Variants in ERCC2 observed in about 807,000 individuals in gnomAD.
ERCC2 encodes the protein ERCC excision repair 2, TFIIH core complex helicase subunit.
Under a neutral mutation model 99.4 loss-of-function variants are expected in ERCC2, and 90 were observed. That is an observed-to-expected ratio of 0.91 (90% CI 0.76 to 1.08). The LOEUF (loss-of-function observed/expected upper bound fraction) is 1.08, where lower values mean the gene tolerates loss of function less well. Ranked by LOEUF, ERCC2 falls within the 50% of genes least tolerant of loss-of-function variation. ERCC2 has a pLI of 0.00. For missense variants in ERCC2, 993 were observed against 1,038.1 expected (o/e 0.96, Z 0.60); for synonymous variants, 497 against 432.4 (o/e 1.15, Z -1.85).
intron 5 of ERCC2, 58 bp from the exon 6 acceptor site, chr19:45,365,216 A>T (rs1250471772): frequency 3.0e-6 from 4 of 1,355,832 alleles, no homozygotes; most frequent in Non-Finnish European, 4.2e-6. Context: ...CACTCTTCAA[A>T]CCCTGGTCTC....
chr19:45,359,994 C>T (rs1266611372), intron 12 of ERCC2, among the ~76,000 whole-genome samples: 4 of 151,516 alleles, frequency 2.6e-5, no homozygotes, highest in Admixed American at 2.0e-4. Context: ...AGGCTGGTCT[C>T]GAACTCCTGA....
At chr19:45,364,189 T>G in intron 9 of ERCC2, 46 bp downstream of exon 9, 7 of 1,611,222 alleles carry the variant, frequency 4.3e-6, no homozygotes, top group Non-Finnish European at 5.9e-6. Flanking sequence ...GGGGCCAGGG[T>G]CCCAGGGGCA....
Position 45,351,203 on chromosome 19 carries a change from G to A in ERCC2, c.*426C>T, listed in dbSNP as rs1971750632. ...AGGCGAGGGGGTTGGATAGTTGGCT[G>A]CCAGGCTGGACCTGGAGCTGGAGGG... On this transcript the variant is annotated 3_prime_UTR_variant, in exon 23 of 23. Transcript: ENST00000391945. 1.9e-6 allele frequency: 3 copies of A among 1,586,044 alleles called. No homozygotes were observed. Among genetic ancestry groups the A allele is most frequent in the Non-Finnish European group, 1.7e-6 (2 of 1,165,362 alleles).
chr19:45,370,550 CG>C lies in ERCC2; in HGVS notation c.-11del. 6.3e-7 allele frequency: 1 copy of C among 1,593,478 alleles called. No homozygotes were observed. ...CCCCTTCTCACTTCATGGCGCCGGCCGGACTGTGCAGCGGGGTCGACCCGCC... is the reference window on the plus strand; with the variant it reads ...CCCCTTCTCACTTCATGGCGCCGGCCGACTGTGCAGCGGGGTCGACCCGCC... On this transcript the variant is annotated 5_prime_UTR_variant, in exon 1 of 23. Coordinates refer to ENST00000391945, the MANE Select transcript of ERCC2 (RefSeq NM_000400.4).
At chr19:45,351,774 G>A in intron 22 of ERCC2, 53 bp from the exon 23 acceptor site, 1 of 1,534,896 alleles carries the variant, frequency 6.5e-7, no homozygotes, top group Non-Finnish European at 9.0e-7. Flanking sequence ...AGGGGCCCAG[G>A]CAGCTGCTGC....
intron 11 of ERCC2, 53 bp from the exon 12 acceptor site, chr19:45,361,695 C>T: frequency 7.7e-7 from 1 of 1,294,454 alleles, no homozygotes; most frequent in Non-Finnish European, 1.1e-6. Flanking sequence ...TGAGCAGGAC[C>T]AGCAGCCCTG....
rs767253793 is a variant in ERCC2, at chr19:45,352,211, G to A, written c.2188C>T (p.Arg730Trp). ...CGGGAGGGGGACGCAGGCCTCACCC[G>A]GTGGAAGGGCTGTGCCATCTGCCGC... ...FLRQMAQPFH[R>W]EDQLGLSLLS... Residue 730 changes from arginine (R) to tryptophan (W), a missense_variant and splice_region_variant, in exon 22 of 23, where the codon CGG becomes TGG. By Grantham distance (101) the Arg-to-Trp change is moderately radical (BLOSUM62 -3). Coordinates refer to ENST00000391945, the MANE Select transcript of ERCC2 (RefSeq NM_000400.4). 17 of 1,613,522 alleles carry A rather than the reference G, an allele frequency of 1.1e-5. No individual in the cohort carries two copies. Among genetic ancestry groups the A allele is most frequent in the East Asian group, 2.2e-5 (1 of 44,886 alleles).
In ERCC2 at chr19:45,350,934, C is replaced by T. The variant is rs760360288; in HGVS notation, c.*695G>A. 5.6e-6 allele frequency: 9 copies of T among 1,613,196 alleles called. No individual in the cohort carries two copies. In the South Asian group the frequency reaches 9.9e-5, roughly 18 times the overall value. On this transcript the variant is annotated 3_prime_UTR_variant, in exon 23 of 23. Transcript: ENST00000391945. ...CCACTCCTGGATTCACTCATTTCCT[C>T]CCTGCTGCCCTCTTTGCAGAATGAA...
At chr19:45,353,185 G>A (rs1378709435) in intron 18 of ERCC2, 30 bp from the exon 19 acceptor site, 1 of 1,613,488 alleles carries the variant, frequency 6.2e-7, no homozygotes, top group Admixed American at 1.7e-5. Context: ...ACGCAAGTTA[G>A]GTCACTCCTC....
chr19:45,350,412 G>A lies in ERCC2; in HGVS notation c.*1217C>T, dbSNP rs948252684. ...TGTACAAAGAAATCCTCCACAAGGA[G>A]GACCTACCCGCCCCTCTCGGTGAGC... On this transcript the variant is annotated 3_prime_UTR_variant, in exon 23 of 23. Coordinates refer to ENST00000391945, the MANE Select transcript of ERCC2 (RefSeq NM_000400.4). 5 of 1,613,874 alleles carry A rather than the reference G, an allele frequency of 3.1e-6. No individual in the cohort carries two copies. Among genetic ancestry groups the A allele is most frequent in the East Asian group, 2.2e-5 (1 of 44,868 alleles).
chr19:45,351,769 C>T (rs1490071882), intron 22 of ERCC2, 48 bp from the exon 23 acceptor site: 2 of 1,564,298 alleles, frequency 1.3e-6, no homozygotes, highest in Non-Finnish European at 1.8e-6. Flanking sequence ...TGGGCAGGGG[C>T]CCAGGCAGCT....
Position 45,364,475 on chromosome 19 carries a change from T to C in ERCC2, c.667A>G (p.Lys223Glu). The change falls in exon 8 of 23, where the codon AAG (lysine) becomes GAG (glutamate). Residue 223 changes from lysine to glutamate, a missense_variant. Physicochemically the swap from Lys to Glu is moderately conservative, Grantham distance 56. Transcript: ENST00000391945. ...LDPKIADLVS[K>E]ELARKAVVVF... is the part of the protein sequence containing the mutation. Reference sequence around the variant, plus strand: ...ACGACGGCCTTGCGGGCCAGTTCCTTGGACACCAGGTCTGCAATCTTGGGG... The same window carrying C: ...ACGACGGCCTTGCGGGCCAGTTCCTCGGACACCAGGTCTGCAATCTTGGGG... 6.2e-7 allele frequency: 1 copy of C among 1,613,974 alleles called. No homozygotes were observed. The highest frequency in any genetic ancestry group is 8.5e-7 in the Non-Finnish European group (1 of 1,180,004).
At chr19:45,353,588 C>A in intron 17 of ERCC2, among the ~76,000 whole-genome samples, 1 of 152,194 alleles carries the variant, frequency 6.6e-6, no homozygotes, top group Non-Finnish European at 1.5e-5. Context: ...CACCCCAACC[C>A]CTGCCAGCGA....
rs1434964189 is a variant in ERCC2, at chr19:45,370,522, A to G, written c.5+14T>C. The G allele has an allele frequency of 3.2e-5, 41 of 1,272,754 alleles. No homozygotes were observed. The highest frequency in any genetic ancestry group is 3.9e-5 in the Non-Finnish European group (38 of 978,058). 78.8% of individuals were successfully genotyped at this position (1,272,754 alleles called of 1,614,324 possible). A position where few individuals can be genotyped will look rare whatever the true frequency, so the allele number is the denominator to read the frequency against. On this transcript the variant is annotated intron_variant, in intron 1 of 22. Coordinates refer to ENST00000391945, the MANE Select transcript of ERCC2 (RefSeq NM_000400.4). ...GCGCCCGCTAGCGAGCGCGACCCCC[A>G]GCCCCCTTCTCACTTCATGGCGCCG... is the stretch of plus-strand genomic sequence containing the variant.
Position 45,350,668 on chromosome 19 carries a change from A to C in ERCC2, c.*961T>G, listed in dbSNP as rs1971700036. The C allele has an allele frequency of 6.2e-7, 1 of 1,613,842 alleles. No individual in the cohort carries two copies. Among genetic ancestry groups the C allele is most frequent in the Non-Finnish European group, 8.5e-7 (1 of 1,179,922 alleles). The stretch of plus-strand genomic sequence containing the variant: ...CCTTCGCCGCAGCAGCTCACTCTCC[A>C]AGATCCGTGAGTCTATCAGGCGAGG... On this transcript the variant is annotated 3_prime_UTR_variant, in exon 23 of 23. Coordinates refer to ENST00000391945, the MANE Select transcript of ERCC2 (RefSeq NM_000400.4).
In ERCC2 at chr19:45,351,057, T is replaced by G. The variant is rs777869729; in HGVS notation, c.*572A>C. 7 of 1,613,660 alleles carry G rather than the reference T, an allele frequency of 4.3e-6. No homozygotes were observed. Among genetic ancestry groups the G allele is most frequent in the East Asian group, 2.2e-5 (1 of 44,868 alleles). On this transcript the variant is annotated 3_prime_UTR_variant, in exon 23 of 23. Coordinates refer to ENST00000391945, the MANE Select transcript of ERCC2 (RefSeq NM_000400.4). ...TGGGTCAAAAATAGAGGAGGCCATG[T>G]GGGTAGGTGCAGAGATGAGGCAAAG...
intron 19 of ERCC2, 94 bp from the exon 20 acceptor site, chr19:45,352,910 G>A: frequency 7.7e-7 from 1 of 1,305,246 alleles, no homozygotes; most frequent in East Asian, 2.3e-5. Context: ...TGTCTGAGTT[G>A]GGGGGAGAGG....
intron 11 of ERCC2, among the ~76,000 whole-genome samples, chr19:45,363,099 A>G (rs1202308869): frequency 6.6e-6 from 1 of 152,134 alleles, no homozygotes; most frequent in Non-Finnish European, 1.5e-5. Flanking sequence ...AAAGGAGGAA[A>G]CTGCAGTTCA....
chr19:45,370,301 C>T (rs942915738), intron 1 of ERCC2, 69 bp from the exon 2 acceptor site: 2 of 1,583,796 alleles, frequency 1.3e-6, no homozygotes, highest in African/African-American at 1.3e-5. Flanking sequence ...AGTGCCCGGT[C>T]GTCGAGCCCA....
Sources: gnomAD v4.1 joint callset for allele counts (sites outside exome capture counted in the v4.1 genomes callset) on GRCh38, gnomAD v4.1.1 for gene constraint, MANE v1.5 for transcripts, NCBI Gene and HGNC (gene_info 2026-07-23, HGNC 2026-07-21) for gene names.